DDX4: variants seen among roughly 807,000 people sequenced by gnomAD.
DDX4 encodes the protein probable ATP-dependent RNA helicase DDX4.
A neutral mutation model predicts 100.0 loss-of-function variants in DDX4; 25 were observed. That is an observed-to-expected ratio of 0.25 (90% confidence interval 0.18 to 0.35). DDX4 has a LOEUF of 0.35. Among genes scored for constraint, DDX4 ranks in the 10% least tolerant of loss-of-function variants. DDX4 has a pLI of 1.00. For missense variants in DDX4, 635 were observed against 882.4 expected (o/e 0.72, Z 3.55); for synonymous variants, 259 against 275.7 (o/e 0.94, Z 0.60).
chr5:55,767,243 C>G (rs981987618), intron 6 of DDX4, among the ~76,000 whole-genome samples: 7 of 152,168 alleles, frequency 4.6e-5, no homozygotes, highest in Non-Finnish European at 1.0e-4. Flanking sequence ...GAATTCAAGA[C>G]CAGCCTGGCC....
At chr5:55,753,246 C>T (rs1032935602) in intron 3 of DDX4, among the ~76,000 whole-genome samples, 3 of 152,154 alleles carry the variant, frequency 2.0e-5, no homozygotes, top group Non-Finnish European at 4.4e-5. Context: ...AGTCCTTGCC[C>T]ATGCCTATGT....
intron 7 of DDX4, among the ~76,000 whole-genome samples, chr5:55,778,015 G>T (rs1741677264): frequency 6.6e-6 from 1 of 152,018 alleles, no homozygotes; most frequent in Admixed American, 6.5e-5. Flanking sequence ...TTTAATATTT[G>T]TTTGGAATCA....
Position 55,816,488 on chromosome 5 carries a change from G to A in DDX4, c.2123G>A (p.Gly708Glu). The A allele has an allele frequency of 6.2e-7, 1 of 1,611,390 alleles. No homozygotes were observed. The highest frequency in any genetic ancestry group is 8.5e-7 in the Non-Finnish European group (1 of 1,178,942). The change falls in exon 22 of 22, where the codon GGG becomes GAG. Residue 708 changes from glycine (G) to glutamate (E), a missense_variant. Coordinates refer to ENST00000505374, the MANE Select transcript of DDX4 (RefSeq NM_024415.3). ...GGCAAGAGCACTTTGAACACAGCTG[G>A]GTTTTCTTCTTCACAAGCTCCCAAT... ...RKGKSTLNTA[G>E]FSSSQAPNPV... is the part of the protein sequence containing the mutation.
chr5:55,805,370 A>G (rs1743627441), intron 18 of DDX4, among the ~76,000 whole-genome samples: 1 of 151,072 alleles, frequency 6.6e-6, no homozygotes, highest in Admixed American at 6.6e-5. Context: ...GTTGAATAGG[A>G]GTGGTGAGAG....
chr5:55,774,318 ATTTC>A (rs1477684125), intron 7 of DDX4, among the ~76,000 whole-genome samples: 1 of 151,678 alleles, frequency 6.6e-6, no homozygotes, highest in African/African-American at 2.4e-5. Context: ...TGCCCAGCTA[ATTTC>A]TTTATTTTTT....
chr5:55,760,580 T>C (rs990205596), intron 4 of DDX4, among the ~76,000 whole-genome samples: 13 of 152,126 alleles, frequency 8.5e-5, no homozygotes, highest in African/African-American at 2.9e-4. Context: ...TTTCCAACAA[T>C]TGATGTGGGA....
At chr5:55,738,194 G>A (rs1056017635) in intron 1 of DDX4, 93 bp downstream of exon 1, 2 of 152,362 alleles carry the variant, frequency 1.3e-5, no homozygotes, top group African/African-American at 4.8e-5. Context: ...GATGGAGTAG[G>A]AGGAGTTTTG....
chr5:55,765,411 A>ATATATATATATATATATATAT (rs1285869924), intron 6 of DDX4, among the ~76,000 whole-genome samples: 1 of 100,254 alleles, frequency 1.0e-5, no homozygotes. Context: ...AAAAAAAAAA[A>ATATATATATATATATATATAT]AAATATATAT....
At chr5:55,779,290 T>C (rs1269746616) in intron 7 of DDX4, among the ~76,000 whole-genome samples, 1 of 152,234 alleles carries the variant, frequency 6.6e-6, no homozygotes, top group Admixed American at 6.5e-5. Flanking sequence ...AAAATACATA[T>C]ACTCTAATAT....
chr5:55,760,251 C>G lies in DDX4; in HGVS notation c.179C>G (p.Ala60Gly), dbSNP rs983867002. 2.5e-6 allele frequency: 4 copies of G among 1,570,244 alleles called. No individual in the cohort carries two copies. The highest frequency in any genetic ancestry group is 1.7e-4 in the Middle Eastern group (1 of 5,952). Residue 60 changes from alanine to glycine, a missense_variant, in exon 4 of 22, where the codon GCC becomes GGC. Transcript: ENST00000505374. ...GATCATTTCATGAAAAGTGGATTTG[C>G]CTCTGGGCGGAATTTTGGAAACAGA... Reference protein sequence around the residue: ...RRDHFMKSGFASGRNFGNRDA... With the variant: ...RRDHFMKSGFGSGRNFGNRDA...
At position 55,787,951 on chromosome 5, in the gene DDX4, C is replaced by T. The variant is rs1430456946; in HGVS notation, c.1123C>T (p.Arg375Ter). The change falls in exon 15 of 22, where the codon CGA becomes TGA. Residue 375 changes from arginine to a stop codon, truncating the protein, a stop_gained. Transcript: ENST00000505374. LOFTEE classifies it high-confidence loss of function. ...EPECIIVAPTRELVNQIYLEA... is the reference protein window; with the variant it reads ...EPECIIVAPT ...AGAGTGTATTATTGTAGCACCAACT[C>T]GAGAATTGGTCAACCAGATTTATTT... 1 of 1,613,502 alleles carries T rather than the reference C, an allele frequency of 6.2e-7. No homozygotes were observed. Among genetic ancestry groups the T allele is most frequent in the Non-Finnish European group, 8.5e-7 (1 of 1,179,832 alleles).
chr5:55,816,426 G>A (rs776743979), intron 21 of DDX4, 37 bp from the exon 22 acceptor site: 7 of 1,530,062 alleles, frequency 4.6e-6, no homozygotes, highest in Non-Finnish European at 5.3e-6. Context: ...TTAAATGTTT[G>A]TTTGTTTCTT....
intron 6 of DDX4, among the ~76,000 whole-genome samples, chr5:55,764,897 C>T (rs1740794240): frequency 6.6e-6 from 1 of 152,214 alleles, no homozygotes; most frequent in Non-Finnish European, 1.5e-5. Flanking sequence ...ACTCAGATGT[C>T]ATCCATCTAT....
chr5:55,739,508 G>A (rs1374652814), intron 2 of DDX4, among the ~76,000 whole-genome samples: 1 of 152,180 alleles, frequency 6.6e-6, no homozygotes, highest in Non-Finnish European at 1.5e-5. Flanking sequence ...CATTTGGGGA[G>A]TTACATTGTA....
chr5:55,788,046 G>A lies in DDX4; in HGVS notation c.1172+46G>A, dbSNP rs779629919. ...CTCACAAAATAGTTTTTTCTTTAGA[G>A]ATTTTTTTCCCCTCACTTTTGGAAG... On this transcript the variant is annotated intron_variant, in intron 15 of 21. Coordinates refer to ENST00000505374, the MANE Select transcript of DDX4 (RefSeq NM_024415.3). 5 of 1,521,378 alleles carry A rather than the reference G, an allele frequency of 3.3e-6. No individual in the cohort carries two copies. In the African/African-American group the frequency reaches 5.6e-5, roughly 17 times the overall value. The allele number at this position is 1,521,378 out of a possible 1,614,324, so 94.2% of individuals were successfully genotyped here.
intron 3 of DDX4, among the ~76,000 whole-genome samples, chr5:55,746,424 T>C (rs192699620): frequency 3.5e-4 from 54 of 152,336 alleles, no homozygotes; most frequent in Non-Finnish European, 6.3e-4. Flanking sequence ...CTGTATTATT[T>C]GATTTAATGG....
At chr5:55,805,593 TG>T (rs1743645105) in intron 18 of DDX4, among the ~76,000 whole-genome samples, 1 of 152,238 alleles carries the variant, frequency 6.6e-6, no homozygotes, top group Non-Finnish European at 1.5e-5. Flanking sequence ...ATGTGGTTTT[TG>T]TCTTTGGCTC....
chr5:55,740,320 C>T (rs934029413), intron 2 of DDX4, among the ~76,000 whole-genome samples: 1 of 151,996 alleles, frequency 6.6e-6, no homozygotes, highest in African/African-American at 2.4e-5. Flanking sequence ...GCGCATGCCA[C>T]CACGCCCAGC....
chr5:55,765,592 A>G (rs1337852558), intron 6 of DDX4, among the ~76,000 whole-genome samples: 1 of 151,828 alleles, frequency 6.6e-6, no homozygotes, highest in Non-Finnish European at 1.5e-5. Flanking sequence ...AGTGATAAGG[A>G]ACTCAGATAC....
Sources: allele counts gnomAD v4.1 joint callset (sites outside exome capture counted in the v4.1 genomes callset), GRCh38; gene constraint gnomAD v4.1.1; transcripts MANE v1.5; gene names NCBI Gene and HGNC (gene_info 2026-07-23, HGNC 2026-07-21).